Variants in STK32B observed in about 807,000 individuals in gnomAD.
The protein encoded by STK32B is serine/threonine kinase 32B.
Under a neutral mutation model 52.6 loss-of-function variants are expected in STK32B, and 43 were observed. The observed-to-expected ratio is 0.82, with a 90% CI of 0.64 to 1.05. The LOEUF is 1.05. STK32B is among the 50% of genes least tolerant of loss of function. The pLI, the probability that STK32B is intolerant of heterozygous loss-of-function variation, is 0.00. For synonymous variants in STK32B, 238 were observed against 204.3 expected (o/e 1.17, Z -1.41); for missense variants, 621 against 534.6 (o/e 1.16, Z -1.59).
chr4:5,333,425 G>A (rs543982498), intron 4 of STK32B, among the ~76,000 whole-genome samples: 1 of 152,256 alleles, frequency 6.6e-6, no homozygotes, highest in East Asian at 1.9e-4. Flanking sequence ...CATTTTGTAG[G>A]TTGCCTGTTC....
At chr4:5,169,769 C>T (rs773443524) in intron 3 of STK32B, among the ~76,000 whole-genome samples, 6 of 151,882 alleles carry the variant, frequency 4.0e-5, no homozygotes, top group East Asian at 1.9e-4. Context: ...ATCTTTAATC[C>T]GAACAGCAAT....
intron 3 of STK32B, among the ~76,000 whole-genome samples, chr4:5,195,635 G>A (rs1003952512): frequency 1.3e-5 from 2 of 152,180 alleles, no homozygotes; most frequent in Non-Finnish European, 2.9e-5. Context: ...GGAGGTTGCA[G>A]TGAGCCGAGA....
chr4:5,075,914 T>C (rs1392510069), intron 1 of STK32B, among the ~76,000 whole-genome samples: 1 of 152,218 alleles, frequency 6.6e-6, no homozygotes, highest in Non-Finnish European at 1.5e-5. Flanking sequence ...CAGTCAGTTT[T>C]TGCTGCATAA....
rs146960867 is a variant in STK32B, at chr4:5,370,765, G to T, written c.435-27442G>T. On this transcript the variant is annotated intron_variant, in intron 4 of 11. Transcript: ENST00000282908. ...CCCAGCACTTTGGGAGGCTGAGGTG[G>T]ATGGATTGCTTGAGCCCAGGAGTAA... 7.1e-3 allele frequency among the ~76,000 whole-genome samples: 1,077 copies of T among 152,154 alleles called. 15 individuals carry two copies. Among genetic ancestry groups the T allele is most frequent in the African/African-American group, 0.025 (1,017 of 41,502 alleles).
chr4:5,179,550 CAGATGATAGATAT>C (rs1476910469), intron 3 of STK32B, among the ~76,000 whole-genome samples: 1 of 151,988 alleles, frequency 6.6e-6, no homozygotes, highest in Non-Finnish European at 1.5e-5. Flanking sequence ...ACTAGATTAA[CAGATGATAGATAT>C]AGATGATAGA....
chr4:5,142,329 T>C (rs1170692483), intron 2 of STK32B, among the ~76,000 whole-genome samples: 1 of 152,256 alleles, frequency 6.6e-6, no homozygotes, highest in Non-Finnish European at 1.5e-5. Context: ...CTTTTACTTA[T>C]GTGGACCTTC....
intron 3 of STK32B, among the ~76,000 whole-genome samples, chr4:5,316,613 T>TATATATTACATATATAATATATA (rs1730812351): frequency 6.6e-5 from 1 of 15,140 alleles, no homozygotes; most frequent in Non-Finnish European, 8.6e-5. Flanking sequence ...TAATATATAT[T>TATATATTACATATATAATATATA]ATATATTATA....
chr4:5,166,068 C>T (rs1231370915), intron 2 of STK32B, among the ~76,000 whole-genome samples: 2 of 152,100 alleles, frequency 1.3e-5, no homozygotes, highest in Non-Finnish European at 2.9e-5. Flanking sequence ...CAGGCTTCTG[C>T]CATCGTCCTG....
intron 11 of STK32B, among the ~76,000 whole-genome samples, chr4:5,493,424 T>G (rs1329959341): frequency 6.6e-6 from 1 of 152,192 alleles, no homozygotes; most frequent in African/African-American, 2.4e-5. Context: ...TCGGTGGTGA[T>G]ATCCTTTTAT....
intron 3 of STK32B, among the ~76,000 whole-genome samples, chr4:5,313,152 A>G (rs1373749384): frequency 2.6e-5 from 4 of 151,392 alleles, no homozygotes; most frequent in African/African-American, 9.7e-5. Flanking sequence ...ATTATCAAGT[A>G]GAATCCACCA....
At chr4:5,112,942 A>G (rs1714485575) in intron 1 of STK32B, among the ~76,000 whole-genome samples, 1 of 152,190 alleles carries the variant, frequency 6.6e-6, no homozygotes, top group South Asian at 2.1e-4. Flanking sequence ...ACTGGGGATA[A>G]GAGAATGAGC....
intron 3 of STK32B, among the ~76,000 whole-genome samples, chr4:5,181,357 C>T (rs972925759): frequency 6.8e-6 from 1 of 146,228 alleles, no homozygotes; most frequent in Admixed American, 6.8e-5. Flanking sequence ...CACACACACA[C>T]ACACACACAC....
At chr4:5,205,091 C>T (rs967076959) in intron 3 of STK32B, among the ~76,000 whole-genome samples, 7 of 152,198 alleles carry the variant, frequency 4.6e-5, no homozygotes, top group African/African-American at 1.7e-4. Flanking sequence ...CACATTTTCC[C>T]TCTCTTCTAG....
At chr4:5,461,287 G>T (rs1034748) in intron 9 of STK32B, among the ~76,000 whole-genome samples, 3 of 151,964 alleles carry the variant, frequency 2.0e-5, no homozygotes, top group Non-Finnish European at 4.4e-5. Context: ...TTCCAGCCCC[G>T]TATTATGTGA....
At chr4:5,155,050 C>T (rs1313535176) in intron 2 of STK32B, among the ~76,000 whole-genome samples, 1 of 152,192 alleles carries the variant, frequency 6.6e-6, no homozygotes, top group African/African-American at 2.4e-5. Context: ...TCTGTTCCAG[C>T]CCTTCTTCAA....
chr4:5,321,540 C>T (rs1731489306), intron 3 of STK32B, among the ~76,000 whole-genome samples: 1 of 152,154 alleles, frequency 6.6e-6, no homozygotes, highest in South Asian at 2.1e-4. Flanking sequence ...ACTGTCTGTC[C>T]CCGTGAACAG....
the STK32B span, among the ~76,000 whole-genome samples, chr4:5,046,349 T>TGTGTATGATATGTTTGCGGTTTCGA: frequency 6.6e-6 from 1 of 152,144 alleles, no homozygotes; most frequent in African/African-American, 2.4e-5. Flanking sequence ...TCCATATACC[T>TGTGTATGATATGTTTGCGGTTTCGA]TATACAAAAA....
chr4:5,495,600 T>C (rs13150743), intron 11 of STK32B, among the ~76,000 whole-genome samples: 36,743 of 152,168 alleles, frequency 0.24, 5,345 homozygotes, highest in East Asian at 0.37. Context: ...TCCCTCCAGC[T>C]TTGTTCCGTT....
At chr4:5,253,543 GT>G (rs1177457335) in intron 3 of STK32B, among the ~76,000 whole-genome samples, 1 of 151,908 alleles carries the variant, frequency 6.6e-6, no homozygotes, top group African/African-American at 2.4e-5. Flanking sequence ...GCCCAGCCAA[GT>G]TTTGTATTTT....
Sources: gnomAD v4.1 joint callset for allele counts (sites outside exome capture counted in the v4.1 genomes callset) on GRCh38, gnomAD v4.1.1 for gene constraint, MANE v1.5 for transcripts, NCBI Gene and HGNC (gene_info 2026-07-23, HGNC 2026-07-21) for gene names.